Variants in SAMD4B observed in about 807,000 individuals in gnomAD.
SAMD4B encodes the protein sterile alpha motif domain containing 4B, also known as protein Smaug homolog 2.
SAMD4B carries 5 observed loss-of-function variants against 74.5 expected under a neutral mutation model. That is an observed-to-expected ratio of 0.07 (90% CI 0.04 to 0.14). The LOEUF (loss-of-function observed/expected upper bound fraction) is 0.14, where lower values mean the gene tolerates loss of function less well. Ranked by LOEUF, SAMD4B falls within the 10% of genes least tolerant of loss-of-function variation. The pLI is 1.00. For missense variants in SAMD4B, 608 were observed against 921.8 expected (o/e 0.66, Z 4.41); for synonymous variants, 373 against 374.9 (o/e 1.00, Z 0.06).
chr19:39,381,099 T>G lies in SAMD4B; in HGVS notation c.1958T>G (p.Leu653Arg). 6.2e-7 allele frequency: 1 copy of G among 1,610,562 alleles called. No homozygotes were observed. Among genetic ancestry groups the G allele is most frequent in the Non-Finnish European group, 8.5e-7 (1 of 1,178,966 alleles). Residue 653 changes from leucine to arginine, a missense_variant, in exon 12 of 14, where the codon CTC (leucine) becomes CGC (arginine). By Grantham distance (102) the Leu-to-Arg change is moderately radical. This residue lies in a region of SAMD4B where 167 missense variants were observed against 193.0 expected (regional missense o/e 0.87). Transcript: ENST00000610417. ...GTCCACTCGTCACCCCAGGCCATTCTCATGTTCCCTCCAGGTGAGGTGCCC... is the reference window on the plus strand; with the variant it reads ...GTCCACTCGTCACCCCAGGCCATTCGCATGTTCCCTCCAGGTGAGGTGCCC... ...LPVHSSPQAILMFPPDCPVPG... is the reference protein window; with the variant it reads ...LPVHSSPQAIRMFPPDCPVPG...
intron 11 of SAMD4B, 23 bp from the exon 12 acceptor site, chr19:39,380,967 C>T: frequency 1.3e-6 from 2 of 1,585,804 alleles, no homozygotes; most frequent in South Asian, 2.3e-5. Context: ...TCACTACTTT[C>T]TCTCTTCCTG....
At position 39,369,936 on chromosome 19, in the gene SAMD4B, T is replaced by G. The variant is rs146378691; in HGVS notation, c.478T>G (p.Ser160Ala). Residue 160 changes from serine (S) to alanine (A), a missense_variant, in exon 4 of 14, where the codon TCC (serine) becomes GCC (alanine). Physicochemically the swap from Ser to Ala is moderately conservative, Grantham distance 99. Coordinates refer to ENST00000610417, the MANE Select transcript of SAMD4B (RefSeq NM_001384574.2). ...AGAGCGGTTGGCTAGTGGCTTCCGC[T>G]CCCGGCCAGAGCCCTCCTACCATTC... ...LEERLASGFR[S>A]RPEPSYHSRQ... The G allele has an allele frequency of 3.3e-5, 53 of 1,613,786 alleles. No homozygotes were observed. The highest frequency in any genetic ancestry group is 4.3e-5 in the Non-Finnish European group (51 of 1,179,976).
Position 39,342,469 on chromosome 19 carries a change from G to T in SAMD4B, c.-374G>T, listed in dbSNP as rs2145094974. ...GGCGGCGGCGGCGGCGGCGGCGGTG[G>T]TCGGTGCGGGAGGAGGGAGGGGAGC... On this transcript the variant is annotated 5_prime_UTR_variant, in exon 1 of 14. Coordinates refer to ENST00000610417, the MANE Select transcript of SAMD4B (RefSeq NM_001384574.2). The T allele has an allele frequency of 5.5e-6, 1 of 182,650 alleles. No individual in the cohort carries two copies. The highest frequency in any genetic ancestry group is 2.3e-3 in the Middle Eastern group (1 of 444). 11.3% of individuals were successfully genotyped at this position (182,650 alleles called of 1,614,324 possible).
At position 39,383,180 on chromosome 19, in the gene SAMD4B, C is replaced by T; in HGVS notation, c.1973-28C>T. 1 of 1,599,880 alleles carries T rather than the reference C, an allele frequency of 6.3e-7. No homozygotes were observed. The highest frequency in any genetic ancestry group is 8.6e-7 in the Non-Finnish European group (1 of 1,167,048). On this transcript the variant is annotated intron_variant, in intron 12 of 13. Transcript: ENST00000610417. This position sits in a 1 kb window ranked among gnomAD's most constrained non-coding sequence, Gnocchi z 4.1. ...TCACCTGAGTCCAGTTGGTCCTTACCACCCCCATTCTCCTCTCTCCCACCC... is the reference window on the plus strand; with the variant it reads ...TCACCTGAGTCCAGTTGGTCCTTACTACCCCCATTCTCCTCTCTCCCACCC...
intron 3 of SAMD4B, 125 bp from the exon 4 acceptor site, chr19:39,369,530 T>C: frequency 1.4e-6 from 1 of 732,750 alleles, no homozygotes; most frequent in Non-Finnish European, 2.2e-6. Flanking sequence ...GTTTGGGAGT[T>C]ATGAAAAGAA....
At chr19:39,343,881 T>TTG (rs2075503156) in intron 1 of SAMD4B, among the ~76,000 whole-genome samples, 1 of 151,426 alleles carries the variant, frequency 6.6e-6, no homozygotes, top group South Asian at 2.1e-4. Context: ...GAATCCCCCC[T>TTG]TGCAGACCGG....
chr19:39,390,003 C>G (rs574128186), downstream of SAMD4B: 7 of 1,331,608 alleles, frequency 5.3e-6, no homozygotes, highest in South Asian at 7.1e-5. Context: ...CAGCAGCCAA[C>G]GAGACAAGCA....
At chr19:39,386,495 T>G (rs1568372402), downstream of SAMD4B, 3 of 1,614,162 alleles carry the variant, frequency 1.9e-6, no homozygotes, top group Admixed American at 5.0e-5. The surrounding 1 kb of genome is among the most constrained non-coding windows in gnomAD (Gnocchi z 6.1). Context: ...AGCCCCCAGC[T>G]TCTTTCTCTT....
At chr19:39,363,527 G>A (rs771391992) in intron 3 of SAMD4B, among the ~76,000 whole-genome samples, 1 of 152,184 alleles carries the variant, frequency 6.6e-6, no homozygotes, top group African/African-American at 2.4e-5. Flanking sequence ...TAGATTCAAC[G>A]AGGAGCAACA....
Position 39,356,315 on chromosome 19 carries a change from G to C in SAMD4B, c.-205-374G>C, listed in dbSNP as rs184658298. Among the ~76,000 whole-genome samples the C allele has an allele frequency of 1.7e-3, 261 of 152,266 alleles. 3 individuals are homozygous for C. The highest frequency in any genetic ancestry group is 0.016 in the Admixed American group (238 of 15,284). On this transcript the variant is annotated intron_variant, in intron 2 of 13. Coordinates refer to ENST00000610417, the MANE Select transcript of SAMD4B (RefSeq NM_001384574.2). Reference sequence around the variant, plus strand: ...GCTGTGCTTAGTCATGTCACCTTGGGCCAGATCGCCATCAATTCATATCTT... The same window carrying C: ...GCTGTGCTTAGTCATGTCACCTTGGCCCAGATCGCCATCAATTCATATCTT...
At chr19:39,361,458 T>G (rs914775090) in intron 3 of SAMD4B, among the ~76,000 whole-genome samples, 1 of 149,370 alleles carries the variant, frequency 6.7e-6, no homozygotes, top group African/African-American at 2.5e-5. Flanking sequence ...CTACTAAAAA[T>G]ACAAAAAATT....
rs992065072 is a variant in SAMD4B, at chr19:39,375,626, T to G, written c.668-24T>G. On this transcript the variant is annotated intron_variant, in intron 4 of 13. Transcript: ENST00000610417. The surrounding 1 kb of genome is among the most constrained non-coding windows in gnomAD (Gnocchi z 4.1). Reference sequence around the variant, plus strand: ...TGGTTGGGTCCCCAGGTCTAATATTTTGCTTTTCTCCCACTCTGGCCAGGT... The same window carrying G: ...TGGTTGGGTCCCCAGGTCTAATATTGTGCTTTTCTCCCACTCTGGCCAGGT... 69 of 1,590,510 alleles carry G rather than the reference T, an allele frequency of 4.3e-5. 1 individual carries two copies. The Admixed American group carries it at 9.4e-4, about 22-fold the overall frequency.
At chr19:39,386,168 C>G, downstream of SAMD4B, 1 of 1,614,182 alleles carries the variant, frequency 6.2e-7, no homozygotes, top group Non-Finnish European at 8.5e-7. This position sits in a 1 kb window ranked among gnomAD's most constrained non-coding sequence, Gnocchi z 6.1. Context: ...CACCTTGGGC[C>G]TGTCCTCTGT....
chr19:39,381,752 G>A (rs758284783), intron 12 of SAMD4B, among the ~76,000 whole-genome samples: 1 of 152,112 alleles, frequency 6.6e-6, no homozygotes, highest in East Asian at 1.9e-4. Context: ...ACAACATGGC[G>A]AAACCCCATC....
chr19:39,354,904 TC>T (rs2076256640), intron 2 of SAMD4B, among the ~76,000 whole-genome samples: 4 of 152,002 alleles, frequency 2.6e-5, no homozygotes, highest in Admixed American at 2.0e-4. Flanking sequence ...AGGCAGAGTT[TC>T]CCTGTCACCC....
chr19:39,378,657 C>T lies in SAMD4B; in HGVS notation c.1530+68C>T, dbSNP rs1038930945. The T allele has an allele frequency of 2.4e-5, 34 of 1,401,904 alleles. No individual in the cohort carries two copies. The highest frequency in any genetic ancestry group is 2.9e-5 in the Non-Finnish European group (29 of 995,018). 86.8% of individuals were successfully genotyped at this position (1,401,904 alleles called of 1,614,324 possible). A position where few individuals can be genotyped will look rare whatever the true frequency, so the allele number is the denominator to read the frequency against. ...GGCGTGGTGGTTCACGCCTGTAGTC[C>T]CAGCACTTCGGCCACCGAGGCGGGC... On this transcript the variant is annotated intron_variant, in intron 9 of 13. Transcript: ENST00000610417. This position sits in a 1 kb window ranked among gnomAD's most constrained non-coding sequence, Gnocchi z 4.4.
chr19:39,358,602 T>TA (rs35430173), intron 3 of SAMD4B, among the ~76,000 whole-genome samples: 6,991 of 130,066 alleles, frequency 0.054, 168 homozygotes, highest in African/African-American at 0.059. Flanking sequence ...GTAACCTCAG[T>TA]AAAAAAAAAA....
intron 3 of SAMD4B, among the ~76,000 whole-genome samples, chr19:39,358,721 CAAT>C (rs1343641097): frequency 3.9e-5 from 6 of 152,208 alleles, no homozygotes; most frequent in African/African-American, 1.2e-4. Flanking sequence ...ATGTAGTAAA[CAAT>C]AACTGTCAGT....
intron 3 of SAMD4B, among the ~76,000 whole-genome samples, chr19:39,363,730 A>AT (rs1244444708): frequency 6.6e-6 from 1 of 152,222 alleles, no homozygotes; most frequent in Non-Finnish European, 1.5e-5. Flanking sequence ...GCAGAGCTAG[A>AT]TTTTGAATCC....
Sources: allele counts gnomAD v4.1 joint callset (sites outside exome capture counted in the v4.1 genomes callset), GRCh38; gene constraint gnomAD v4.1.1; regional missense constraint gnomAD v4.1.1; non-coding constraint Gnocchi (gnomAD v3.1); transcripts MANE v1.5; gene names NCBI Gene and HGNC (gene_info 2026-07-23, HGNC 2026-07-21).